ZZEF1: variants seen among roughly 807,000 people sequenced by gnomAD.
The protein encoded by ZZEF1 is zinc finger ZZ-type and EF-hand domain-containing protein 1.
A neutral mutation model predicts 342.8 loss-of-function variants in ZZEF1; 157 were observed. The observed-to-expected ratio is 0.46, with a 90% CI of 0.40 to 0.52. The LOEUF (loss-of-function observed/expected upper bound fraction) is 0.52, where lower values mean the gene tolerates loss of function less well. ZZEF1 is among the 20% of genes least tolerant of loss of function. ZZEF1 has a pLI of 0.00. For missense variants in ZZEF1, 3,480 were observed against 3,725.6 expected (o/e 0.93, Z 1.72); for synonymous variants, 1,505 against 1,429.1 (o/e 1.05, Z -1.20).
At chr17:4,129,820 A>C (rs1052759350) in intron 1 of ZZEF1, among the ~76,000 whole-genome samples, 1 of 152,182 alleles carries the variant, frequency 6.6e-6, no homozygotes, top group Admixed American at 6.5e-5. Context: ...ACACCATGGA[A>C]TACTATGCAG....
intron 46 of ZZEF1, among the ~76,000 whole-genome samples, chr17:4,019,417 T>C (rs1208838549): frequency 1.3e-5 from 2 of 152,236 alleles, no homozygotes; most frequent in Non-Finnish European, 2.9e-5. Flanking sequence ...TTTCTGTGTC[T>C]GTAAAATGAG....
intron 39 of ZZEF1, 27 bp downstream of exon 39, chr17:4,042,402 C>T: frequency 6.3e-7 from 1 of 1,599,758 alleles, no homozygotes. Flanking sequence ...ACCACCACCC[C>T]CACTTTTAAA....
At chr17:4,010,132 T>G (rs1332813597) in intron 52 of ZZEF1, among the ~76,000 whole-genome samples, 2 of 151,402 alleles carry the variant, frequency 1.3e-5, no homozygotes, top group Non-Finnish European at 2.9e-5. Context: ...GAGACCAACC[T>G]GGGAAATAAA....
Position 4,135,998 on chromosome 17 carries a change from T to C in ZZEF1, c.354+6544A>G, listed in dbSNP as rs983498019. ...TACAATGTACTCTGATATTTTCTCTTTTTTTTTTTTTTTTTGAGACGGTGT... is the reference window on the plus strand; with the variant it reads ...TACAATGTACTCTGATATTTTCTCTCTTTTTTTTTTTTTTTGAGACGGTGT... On this transcript the variant is annotated intron_variant, in intron 1 of 54. Transcript: ENST00000381638. Among the ~76,000 whole-genome samples the C allele has an allele frequency of 1.0e-3, 150 of 145,406 alleles. 1 individual carries two copies. The highest frequency in any genetic ancestry group is 1.1e-3 in the Non-Finnish European group (74 of 65,708).
intron 53 of ZZEF1, chr17:4,009,316 A>G: frequency 8.7e-6 from 5 of 572,258 alleles, no homozygotes; most frequent in Non-Finnish European, 1.6e-5. Flanking sequence ...AGCAGAAATA[A>G]CCCATCGTTT....
At chr17:4,067,559 A>G (rs1157407085) in intron 26 of ZZEF1, among the ~76,000 whole-genome samples, 2 of 152,222 alleles carry the variant, frequency 1.3e-5, no homozygotes, top group Non-Finnish European at 2.9e-5. Flanking sequence ...CAGTGAGTAA[A>G]AAAGTATTTA....
intron 39 of ZZEF1, among the ~76,000 whole-genome samples, chr17:4,039,138 C>T (rs529256885): frequency 6.6e-6 from 1 of 152,024 alleles, no homozygotes; most frequent in African/African-American, 2.4e-5. Context: ...ATGAAAAATA[C>T]AACCAAACTG....
At chr17:4,063,902 A>G (rs2057335783) in intron 29 of ZZEF1, among the ~76,000 whole-genome samples, 1 of 151,672 alleles carries the variant, frequency 6.6e-6, no homozygotes, top group South Asian at 2.1e-4. Context: ...TAATTTTTGT[A>G]TTTTTAGTAC....
rs1326240301 is a variant in ZZEF1 at position 4,105,627 on chromosome 17, A to C, written c.1394+66T>G. On this transcript the variant is annotated intron_variant, in intron 7 of 54. Coordinates refer to ENST00000381638, the MANE Select transcript of ZZEF1 (RefSeq NM_015113.4). The stretch of plus-strand genomic sequence containing the variant: ...TTAAAAGATTAATATATATTTTTTA[A>C]AGACTTAACAAGCATACGTGCACTC... 5.9e-6 allele frequency: 7 copies of C among 1,185,794 alleles called. No homozygotes were observed. In the Admixed American group the frequency reaches 1.1e-4, roughly 19 times the overall value. 73.5% of individuals were successfully genotyped at this position (1,185,794 alleles called of 1,614,324 possible).
intron 2 of ZZEF1, among the ~76,000 whole-genome samples, chr17:4,117,930 C>G (rs1325524519): frequency 6.6e-6 from 1 of 152,092 alleles, no homozygotes. Context: ...CATTTTACAA[C>G]CAATAAGGTG....
Position 4,034,245 on chromosome 17 carries a change from C to A in ZZEF1, c.6354G>T (p.Met2118Ile). The part of the protein sequence containing the change: ...LIDLEHVLPL[M>I]FQVVISNAGH... The stretch of plus-strand genomic sequence containing the variant: ...CTGCGTTTGAGATGACAACCTGAAA[C>A]ATGAGTGGAAGGACGTGCTCCAGGT... The change falls in exon 40 of 55, where the codon ATG (methionine) becomes ATT (isoleucine). Residue 2118 changes from methionine (M) to isoleucine (I), a missense_variant. Met to Ile is a conservative substitution (Grantham distance 10). Around this residue, in one of 5 missense-constraint regions of ZZEF1, gnomAD observed 1,269 missense variants for 1,342.4 expected, o/e 0.95. Coordinates refer to ENST00000381638, the MANE Select transcript of ZZEF1 (RefSeq NM_015113.4). 5 of 1,614,198 alleles carry A rather than the reference C, an allele frequency of 3.1e-6. No homozygotes were observed. The highest frequency in any genetic ancestry group is 4.2e-6 in the Non-Finnish European group (5 of 1,180,034).
rs1037223434 is a variant in ZZEF1 at position 4,142,756 on chromosome 17, G to T, written c.140C>A (p.Ala47Asp). The change falls in exon 1 of 55, where the codon GCC becomes GAC. Residue 47 changes from alanine to aspartate, a missense_variant. Coordinates refer to ENST00000381638, the MANE Select transcript of ZZEF1 (RefSeq NM_015113.4). ...PGVAAPALPP[A>D]AALLEPARLR... is the part of the protein sequence containing the mutation. ...CCTGGCCGGCTCCAGCAGCGCCGCG[G>T]CGGGTGGTAGCGCTGGAGCCGCGAC... is the stretch of plus-strand genomic sequence containing the variant. The T allele has an allele frequency of 3.4e-6, 5 of 1,472,806 alleles. No homozygotes were observed. The African/African-American group carries it at 7.4e-5, about 22-fold the overall frequency. 91.2% of individuals were successfully genotyped at this position (1,472,806 alleles called of 1,614,324 possible). A position where few individuals can be genotyped will look rare whatever the true frequency, so the allele number is the denominator to read the frequency against.
At chr17:4,121,324 C>T (rs548391151) in intron 2 of ZZEF1, among the ~76,000 whole-genome samples, 1 of 152,168 alleles carries the variant, frequency 6.6e-6, no homozygotes, top group East Asian at 1.9e-4. Context: ...AAGATAAAAG[C>T]TAGCTAAAGA....
intron 9 of ZZEF1, among the ~76,000 whole-genome samples, chr17:4,101,793 AT>A (rs1468302984): frequency 2.6e-5 from 4 of 151,994 alleles, no homozygotes; most frequent in African/African-American, 7.3e-5. Flanking sequence ...ACAACAGCTA[AT>A]TTTTGTAGTT....
At chr17:4,035,762 C>T (rs1360865632) in intron 39 of ZZEF1, among the ~76,000 whole-genome samples, 4 of 152,094 alleles carry the variant, frequency 2.6e-5, no homozygotes, top group African/African-American at 9.7e-5. Context: ...GGGTGAGGGT[C>T]GTCTCACTGC....
At position 4,032,886 on chromosome 17, in the gene ZZEF1, G is replaced by A. The variant is rs1326256607; in HGVS notation, c.6701C>T (p.Pro2234Leu). 2 of 1,614,052 alleles carry A rather than the reference G, an allele frequency of 1.2e-6. No homozygotes were observed. Among genetic ancestry groups the A allele is most frequent in the Non-Finnish European group, 8.5e-7 (1 of 1,180,030 alleles). The change falls in exon 41 of 55, where the codon CCA (proline) becomes CTA (leucine). Residue 2234 changes from proline (P) to leucine (L), a missense_variant. This residue lies in a region of ZZEF1 where 1,269 missense variants were observed against 1,342.4 expected (regional missense o/e 0.95). Transcript: ENST00000381638. ...TFTDHCIKQL[P>L]FQLKHTNIFT... is the part of the protein sequence containing the mutation. ...GATGTTGGTGTGCTTCAGCTGGAAT[G>A]GCAGCTGCTTGATGCAGTGGTCTGT...
rs146681050 is a variant in ZZEF1, at chr17:4,103,277, C to T, written c.1574-862G>A. ...ATTAAACAGGCTGGGCATCATGGCT[C>T]ATGCCTGTAAATTCCAGCACTTTGG... On this transcript the variant is annotated intron_variant, in intron 8 of 54. Transcript: ENST00000381638. 4.2e-3 allele frequency among the ~76,000 whole-genome samples: 642 copies of T among 152,208 alleles called. 3 individuals carry two copies. Among genetic ancestry groups the T allele is most frequent in the African/African-American group, 0.014 (602 of 41,522 alleles).
intron 52 of ZZEF1, among the ~76,000 whole-genome samples, chr17:4,010,724 CAAAAAA>C (rs58349682): frequency 2.3e-5 from 2 of 85,268 alleles, no homozygotes; most frequent in Non-Finnish European, 4.3e-5. Context: ...GATTCCGTCT[CAAAAAA>C]AAAAAGAAAA....
chr17:4,124,158 G>A, intron 1 of ZZEF1, 107 bp from the exon 2 acceptor site: 1 of 1,388,738 alleles, frequency 7.2e-7, no homozygotes, highest in Non-Finnish European at 9.5e-7. Context: ...ATTTATTTTT[G>A]GTTGCAGAGA....
Sources: allele counts gnomAD v4.1 joint callset (sites outside exome capture counted in the v4.1 genomes callset), GRCh38; gene constraint gnomAD v4.1.1; regional missense constraint gnomAD v4.1.1; transcripts MANE v1.5; gene names NCBI Gene and HGNC (gene_info 2026-07-23, HGNC 2026-07-21).